Variants in CAMTA1 observed in about 807,000 individuals in gnomAD.
The protein encoded by CAMTA1 is calmodulin-binding transcription activator 1.
In CAMTA1, 27 loss-of-function variants were observed where a neutral mutation model predicts 170.9. The observed-to-expected ratio is 0.16, with a 90% CI of 0.12 to 0.22. The LOEUF (loss-of-function observed/expected upper bound fraction) is 0.22. Among genes scored for constraint, CAMTA1 ranks in the 10% least tolerant of loss-of-function variants. The pLI, the probability that CAMTA1 is intolerant of heterozygous loss-of-function variation, is 1.00. For missense variants in CAMTA1, 1,619 were observed against 2,217.2 expected, an observed-to-expected ratio of 0.73 and a Z score of 5.42; for synonymous variants, 833 against 891.5, an observed-to-expected ratio of 0.93 and a Z score of 1.17.
chr1:7,412,307 A>G (rs1305611031), intron 5 of CAMTA1, among the ~76,000 whole-genome samples: 1 of 151,806 alleles, frequency 6.6e-6, no homozygotes, highest in Admixed American at 6.6e-5. Context: ...TGGTATTTCT[A>G]GTTCTAGATC....
chr1:6,796,293 A>G (rs1412228647), intron 1 of CAMTA1, among the ~76,000 whole-genome samples: 4 of 151,768 alleles, frequency 2.6e-5, no homozygotes, highest in East Asian at 3.9e-4. Context: ...ACGCGCCACC[A>G]TGCCTGGCTA....
At chr1:7,090,184 C>T (rs913833617) in intron 3 of CAMTA1, among the ~76,000 whole-genome samples, 5 of 152,148 alleles carry the variant, frequency 3.3e-5, no homozygotes, top group African/African-American at 1.2e-4. Context: ...TGCATGGCAT[C>T]AGGGGCATTT....
chr1:7,643,808 C>T (rs1389228688), intron 7 of CAMTA1, among the ~76,000 whole-genome samples: 4 of 152,204 alleles, frequency 2.6e-5, no homozygotes, highest in Non-Finnish European at 4.4e-5. Context: ...GAAACACAGC[C>T]CGAGAAACAG....
chr1:7,070,901 C>T (rs1206575906), intron 3 of CAMTA1, among the ~76,000 whole-genome samples: 1 of 152,206 alleles, frequency 6.6e-6, no homozygotes, highest in Non-Finnish European at 1.5e-5. Flanking sequence ...TTTTCTGGCT[C>T]TGAACACTGA....
intron 5 of CAMTA1, among the ~76,000 whole-genome samples, chr1:7,384,871 G>C (rs1233493399): frequency 6.6e-6 from 1 of 152,064 alleles, no homozygotes; most frequent in East Asian, 1.9e-4. Context: ...GGCCACTGAA[G>C]CCTCTGCCTC....
intron 3 of CAMTA1, 67 bp from the exon 4 acceptor site, chr1:7,091,237 C>A: frequency 8.3e-7 from 1 of 1,202,754 alleles, no homozygotes; most frequent in South Asian, 1.2e-5. Flanking sequence ...ACAGCAAAAA[C>A]TTTCTTACCT....
intron 8 of CAMTA1, among the ~76,000 whole-genome samples, chr1:7,662,786 T>G (rs2095972058): frequency 6.6e-6 from 1 of 152,144 alleles, no homozygotes; most frequent in South Asian, 2.1e-4. Context: ...TCGAGAACCC[T>G]CTTTGGTCCT....
rs1262882001 is a variant in CAMTA1 at position 7,654,815 on chromosome 1, A to AC, written c.665-6909dup. On this transcript the variant is annotated intron_variant, in intron 7 of 22. Transcript: ENST00000303635. ...CACACCTATACACACACCCACACAC[A>AC]CCACACACACCCCTATACACACGAA... 3.9e-4 allele frequency among the ~76,000 whole-genome samples: 43 copies of AC among 109,680 alleles called. 3 individuals are homozygous for AC. Among genetic ancestry groups the AC allele is most frequent in the African/African-American group, 1.5e-3 (41 of 26,698 alleles). The allele number at this position is 109,680 out of a possible 152,430, so 72.0% of individuals were successfully genotyped here.
chr1:7,757,719 G>C (rs2096941155), intron 22 of CAMTA1, among the ~76,000 whole-genome samples: 1 of 151,938 alleles, frequency 6.6e-6, no homozygotes, highest in South Asian at 2.1e-4. Context: ...CTGGGCGACA[G>C]AGCAAGACTC....
chr1:7,266,492 C>T (rs1668954803), intron 5 of CAMTA1, among the ~76,000 whole-genome samples: 1 of 152,230 alleles, frequency 6.6e-6, no homozygotes, highest in South Asian at 2.1e-4. Context: ...CATAAGTCCA[C>T]GATGTGCCAC....
chr1:7,545,452 A>T (rs1392353732), intron 6 of CAMTA1, among the ~76,000 whole-genome samples: 1 of 152,236 alleles, frequency 6.6e-6, no homozygotes, highest in Non-Finnish European at 1.5e-5. Context: ...GTCACATTTA[A>T]TAGTTGCGTC....
intron 3 of CAMTA1, among the ~76,000 whole-genome samples, chr1:6,902,042 C>CACACACAA (rs1677064439): frequency 2.1e-5 from 2 of 94,666 alleles, no homozygotes; most frequent in Non-Finnish European, 4.6e-5. Context: ...GAGACTGTCA[C>CACACACAA]ACACACACAC....
At chr1:7,503,980 G>A (rs1267872638) in intron 6 of CAMTA1, among the ~76,000 whole-genome samples, 1 of 152,200 alleles carries the variant, frequency 6.6e-6, no homozygotes, top group East Asian at 1.9e-4. Context: ...CTCAGAACGG[G>A]AGAACCAGGT....
intron 4 of CAMTA1, among the ~76,000 whole-genome samples, chr1:7,201,089 A>G (rs552363382): frequency 7.2e-5 from 11 of 152,302 alleles, no homozygotes; most frequent in African/African-American, 2.6e-4. Flanking sequence ...GCAAACATTA[A>G]TCCACTTAGA....
chr1:7,178,921 G>A (rs7553054), intron 4 of CAMTA1, among the ~76,000 whole-genome samples: 3,004 of 152,348 alleles, frequency 0.02, 101 homozygotes, highest in African/African-American at 0.068. Flanking sequence ...AGCCACAGCA[G>A]GTTGCTTGGC....
chr1:7,240,144 C>T (rs1393873402), intron 4 of CAMTA1, among the ~76,000 whole-genome samples: 1 of 152,082 alleles, frequency 6.6e-6, no homozygotes, highest in Non-Finnish European at 1.5e-5. Context: ...ATGATCCATG[C>T]CCAGATCCAT....
intron 3 of CAMTA1, among the ~76,000 whole-genome samples, chr1:7,077,397 A>C (rs1001046395): frequency 6.6e-6 from 1 of 151,968 alleles, no homozygotes; most frequent in Admixed American, 6.6e-5. Flanking sequence ...CCGTTGCTGC[A>C]GTTCTAATGG....
intron 5 of CAMTA1, chr1:7,370,033 CG>C (rs2086321490): frequency 1.3e-5 from 2 of 152,310 alleles, no homozygotes; most frequent in Admixed American, 1.3e-4. Context: ...GTCCCTGCTG[CG>C]GCGTTCAGGC....
chr1:6,958,090 C>T (rs1689767145), intron 3 of CAMTA1, among the ~76,000 whole-genome samples: 1 of 152,210 alleles, frequency 6.6e-6, no homozygotes, highest in Non-Finnish European at 1.5e-5. Context: ...GGACATACCC[C>T]ATGGCTTCCC....
Sources: allele counts gnomAD v4.1 joint callset (sites outside exome capture counted in the v4.1 genomes callset), GRCh38; gene constraint gnomAD v4.1.1; transcripts MANE v1.5; gene names NCBI Gene and HGNC (gene_info 2026-07-23, HGNC 2026-07-21).